SMAD1: variants seen among roughly 807,000 people sequenced by gnomAD.
SMAD1 encodes the protein MAD, mothers against decapentaplegic homolog 1.
SMAD1 carries 6 observed loss-of-function variants against 41.6 expected under a neutral mutation model. The ratio of observed to expected loss-of-function variants is 0.14; its 90% CI spans 0.08 to 0.28. SMAD1 has a LOEUF of 0.28. Among genes scored for constraint, SMAD1 ranks in the 10% least tolerant of loss-of-function variants. The pLI is 1.00. For synonymous variants in SMAD1, 206 were observed against 203.2 expected (o/e 1.01, Z -0.12); for missense variants, 379 against 582.6 (o/e 0.65, Z 3.60).
chr4:145,530,980 G>T (rs1206943826), intron 2 of SMAD1, among the ~76,000 whole-genome samples: 1 of 152,186 alleles, frequency 6.6e-6, no homozygotes. Context: ...TTCCCAATGG[G>T]CAAGGACAGT....
chr4:145,522,869 G>A (rs376421911), intron 2 of SMAD1, among the ~76,000 whole-genome samples: 1 of 151,654 alleles, frequency 6.6e-6, no homozygotes, highest in Non-Finnish European at 1.5e-5. Flanking sequence ...TAGTAGAGAC[G>A]GGGTTTCTCC....
chr4:145,491,736 T>A lies in SMAD1; in HGVS notation c.-177+9698T>A, dbSNP rs569543331. Among the ~76,000 whole-genome samples, 54 of 152,288 alleles carry A rather than the reference T, an allele frequency of 3.5e-4. 1 individual carries two copies. Among genetic ancestry groups the A allele is most frequent in the Admixed American group, 1.1e-3 (17 of 15,296 alleles). On this transcript the variant is annotated intron_variant, in intron 1 of 6. Coordinates refer to ENST00000302085, the MANE Select transcript of SMAD1 (RefSeq NM_005900.3). ...CATGGTTTTCGTCCAGGAGTTTCCT[T>A]ATTGCAGTGTGAGGGGCTATCAGTT...
At chr4:145,485,615 A>T (rs924284640) in intron 1 of SMAD1, among the ~76,000 whole-genome samples, 2 of 152,242 alleles carry the variant, frequency 1.3e-5, no homozygotes, top group African/African-American at 4.8e-5. Flanking sequence ...AAAGACATAT[A>T]TAAACTAATT....
intron 1 of SMAD1, among the ~76,000 whole-genome samples, chr4:145,505,367 T>C (rs1440023527): frequency 1.3e-5 from 2 of 152,328 alleles, no homozygotes; most frequent in South Asian, 2.1e-4. Flanking sequence ...TTGATCACTT[T>C]CTACAACATG....
intron 2 of SMAD1, among the ~76,000 whole-genome samples, chr4:145,537,520 A>G (rs557064868): frequency 6.6e-6 from 1 of 152,188 alleles, no homozygotes; most frequent in Admixed American, 6.6e-5. Context: ...TAAAGTTCAT[A>G]GAAGTTTTTA....
At chr4:145,521,760 A>G (rs1730750812) in intron 2 of SMAD1, among the ~76,000 whole-genome samples, 3 of 152,172 alleles carry the variant, frequency 2.0e-5, no homozygotes, top group Non-Finnish European at 4.4e-5. Flanking sequence ...GACTGTATCA[A>G]TGTCAATATT....
intron 1 of SMAD1, among the ~76,000 whole-genome samples, chr4:145,503,682 C>T (rs1729597429): frequency 6.6e-6 from 1 of 152,166 alleles, no homozygotes; most frequent in South Asian, 2.1e-4. Context: ...ATGCCATTTC[C>T]TTATAACGTT....
intron 2 of SMAD1, among the ~76,000 whole-genome samples, chr4:145,521,980 TAAAA>T (rs1036791402): frequency 1.3e-5 from 2 of 151,478 alleles, no homozygotes; most frequent in African/African-American, 4.9e-5. Flanking sequence ...CACAGAATAT[TAAAA>T]AGACGAGAGG....
chr4:145,519,240 C>T lies in SMAD1; in HGVS notation c.400+4227C>T, dbSNP rs138035137. Reference sequence around the variant, plus strand: ...CCTCCCGAGTAGCTAGGATTACAGACGTGCATCACCACGCCCAGCTAATTT... The same window carrying T: ...CCTCCCGAGTAGCTAGGATTACAGATGTGCATCACCACGCCCAGCTAATTT... On this transcript the variant is annotated intron_variant, in intron 2 of 6. Transcript: ENST00000302085. Among the ~76,000 whole-genome samples the T allele has an allele frequency of 6.7e-4, 47 of 70,594 alleles. 5 individuals are homozygous for T. In the East Asian group the frequency reaches 0.01, roughly 15 times the overall value. 46.3% of individuals were successfully genotyped at this position (70,594 alleles called of 152,430 possible).
chr4:145,519,088 CTTTTTTTT>C (rs771498383), intron 2 of SMAD1, among the ~76,000 whole-genome samples: 1 of 34,892 alleles, frequency 2.9e-5, no homozygotes, highest in Non-Finnish European at 6.2e-5. Flanking sequence ...GTTTGGTTGG[CTTTTTTTT>C]TTTTTTTTTT....
upstream of SMAD1, chr4:145,481,742 C>T: frequency 5.5e-6 from 1 of 180,524 alleles, no homozygotes; most frequent in Admixed American, 5.9e-5. Context: ...CGGCGGCGCG[C>T]GGGTGAGCGG....
chr4:145,489,258 A>C (rs971039674), intron 1 of SMAD1, among the ~76,000 whole-genome samples: 6 of 152,132 alleles, frequency 3.9e-5, no homozygotes, highest in African/African-American at 1.4e-4. Flanking sequence ...TGTGGAGGAG[A>C]TGCTCAGAAA....
chr4:145,529,237 G>C (rs956339139), intron 2 of SMAD1, among the ~76,000 whole-genome samples: 4 of 151,714 alleles, frequency 2.6e-5, no homozygotes, highest in African/African-American at 9.7e-5. Flanking sequence ...TTTTTCTCCT[G>C]ATGTTTTTAG....
At chr4:145,546,124 A>G (rs2126532731) in intron 4 of SMAD1, 1 of 153,146 alleles carries the variant, frequency 6.5e-6, no homozygotes, top group South Asian at 2.1e-4. Flanking sequence ...GAGTTTGAGA[A>G]CTGGAGCAAC....
intron 2 of SMAD1, among the ~76,000 whole-genome samples, chr4:145,517,670 G>A (rs1474139382): frequency 2.9e-5 from 2 of 69,956 alleles, no homozygotes; most frequent in African/African-American, 6.4e-5. Context: ...CATTTTTTTA[G>A]TGCTGAATTT....
intron 5 of SMAD1, among the ~76,000 whole-genome samples, chr4:145,552,460 G>A (rs1040983032): frequency 4.6e-5 from 7 of 152,308 alleles, no homozygotes; most frequent in African/African-American, 1.4e-4. Context: ...ATGGTGTGGG[G>A]CTTTGTGAGA....
At chr4:145,527,667 C>G (rs1731099580) in intron 2 of SMAD1, among the ~76,000 whole-genome samples, 1 of 152,080 alleles carries the variant, frequency 6.6e-6, no homozygotes, top group South Asian at 2.1e-4. Context: ...ATCCATGCTG[C>G]TAACCACTGT....
chr4:145,542,997 G>A (rs917827886), intron 4 of SMAD1, among the ~76,000 whole-genome samples: 8 of 150,030 alleles, frequency 5.3e-5, no homozygotes, highest in African/African-American at 1.5e-4. Flanking sequence ...TTTTTGAGAC[G>A]GAGTTTTGCT....
chr4:145,549,017 A>G (rs1732407776), intron 5 of SMAD1, among the ~76,000 whole-genome samples: 1 of 152,194 alleles, frequency 6.6e-6, no homozygotes, highest in South Asian at 2.1e-4. Context: ...TCTAATCCTG[A>G]GGAAATATCA....
Sources: allele counts gnomAD v4.1 joint callset (sites outside exome capture counted in the v4.1 genomes callset), GRCh38; gene constraint gnomAD v4.1.1; transcripts MANE v1.5; gene names NCBI Gene and HGNC (gene_info 2026-07-23, HGNC 2026-07-21).